Variants in EDNRB observed in about 807,000 individuals in gnomAD.
EDNRB encodes endothelin receptor type B, also known as Hirschsprung disease 2.
Under a neutral mutation model 46.4 loss-of-function variants are expected in EDNRB, and 18 were observed. The ratio of observed to expected loss-of-function variants is 0.39; its 90% CI spans 0.27 to 0.57. The LOEUF (loss-of-function observed/expected upper bound fraction) is 0.57, where lower values mean the gene tolerates loss of function less well. Ranked by LOEUF, EDNRB falls within the 20% of genes least tolerant of loss-of-function variation. The pLI is 0.61. For synonymous variants in EDNRB, 213 were observed against 204.9 expected, an observed-to-expected ratio of 1.04 and a Z score of -0.34; for missense variants, 434 against 537.5, an observed-to-expected ratio of 0.81 and a Z score of 1.90.
chr13:77,903,195 G>T lies in EDNRB; in HGVS notation c.762C>A (p.Ile254=). 3 of 1,612,866 alleles carry T rather than the reference G, an allele frequency of 1.9e-6. No individual in the cohort carries two copies. Among genetic ancestry groups the T allele is most frequent in the Non-Finnish European group, 2.5e-6 (3 of 1,179,252 alleles). The change falls in exon 3 of 7, where the codon ATC becomes ATA. Residue 254 remains isoleucine (I), a synonymous_variant. Transcript: ENST00000646607. The stretch of plus-strand genomic sequence containing the variant: ...TCTTCTGAACGGGATGAAGCAAGCA[G>T]ATTCGCAGATAACTTCCTTTGTAGT... ...TMDYKGSYLR[I]CLLHPVQKTA... is the part of the protein sequence containing the mutation.
chr13:77,922,945 A>C (rs1880127373), upstream of EDNRB, among the ~76,000 whole-genome samples: 1 of 152,200 alleles, frequency 6.6e-6, no homozygotes, highest in Admixed American at 6.5e-5. Context: ...TTATCAACTT[A>C]TCTGATACAT....
At chr13:77,924,360 C>A (rs890346579), upstream of EDNRB, among the ~76,000 whole-genome samples, 2 of 152,116 alleles carry the variant, frequency 1.3e-5, no homozygotes, top group Admixed American at 6.5e-5. Flanking sequence ...CTCACAGAAT[C>A]TCATGGGAAA....
chr13:77,974,760 C>T (rs996966766), intron 1 of EDNRB, among the ~76,000 whole-genome samples: 2 of 152,092 alleles, frequency 1.3e-5, no homozygotes, highest in African/African-American at 4.8e-5. Flanking sequence ...TTACCTTGTG[C>T]CATACCTTTG....
intron 1 of EDNRB, among the ~76,000 whole-genome samples, chr13:77,932,773 G>C (rs1346349848): frequency 6.6e-6 from 1 of 152,204 alleles, no homozygotes; most frequent in Admixed American, 6.5e-5. Flanking sequence ...ATTGGTGTTT[G>C]CCAAAGCCGT....
At chr13:77,939,913 T>C (rs1177787165) in intron 1 of EDNRB, 3 of 152,026 alleles carry the variant, frequency 2.0e-5, no homozygotes, top group Middle Eastern at 3.2e-3. Context: ...GGAAAATCAC[T>C]GGAACCCGGG....
chr13:77,911,698 A>AT (rs1879581239), intron 1 of EDNRB, among the ~76,000 whole-genome samples: 1 of 151,886 alleles, frequency 6.6e-6, no homozygotes, highest in Non-Finnish European at 1.5e-5. Flanking sequence ...CCACCACCAC[A>AT]TTTTGGCCAT....
chr13:77,922,499 T>G (rs1286536437), upstream of EDNRB, among the ~76,000 whole-genome samples: 2 of 152,194 alleles, frequency 1.3e-5, no homozygotes, highest in Non-Finnish European at 2.9e-5. Context: ...CTCTAAATCA[T>G]GAATGCTGAG....
intron 1 of EDNRB, among the ~76,000 whole-genome samples, chr13:77,949,228 C>T (rs576435846): frequency 6.6e-6 from 1 of 152,246 alleles, no homozygotes; most frequent in Admixed American, 6.5e-5. Context: ...GTGACAGATT[C>T]CAGTTGCAGC....
At chr13:77,948,449 C>G (rs1421444766) in intron 1 of EDNRB, among the ~76,000 whole-genome samples, 1 of 152,120 alleles carries the variant, frequency 6.6e-6, no homozygotes, top group Non-Finnish European at 1.5e-5. Context: ...CATTTGATAC[C>G]ATACTGGCAC....
intron 1 of EDNRB, among the ~76,000 whole-genome samples, chr13:77,933,926 A>G (rs1464965128): frequency 6.6e-6 from 1 of 152,184 alleles, no homozygotes; most frequent in African/African-American, 2.4e-5. Context: ...AGAATAAAAG[A>G]AGGAGAAAAA....
upstream of EDNRB, chr13:77,919,777 G>A: frequency 1.5e-6 from 1 of 663,624 alleles, no homozygotes; most frequent in Non-Finnish European, 2.5e-6. Flanking sequence ...TTATTTGTTA[G>A]AGTTCTACGC....
rs147694773 is a variant in EDNRB, at chr13:77,918,544, G to A, written c.30C>T (p.Arg10=). The change falls in exon 1 of 7, where the codon CGC becomes CGT. Residue 10 remains arginine, a synonymous_variant. Transcript: ENST00000646607. This position sits in a 1 kb window ranked among gnomAD's most constrained non-coding sequence, Gnocchi z 4.5. The stretch of plus-strand genomic sequence containing the variant: ...AGGCAAGAACCAGCGCAACCAGGGC[G>A]CGTCCGCACAGACTTGGAGGCGGCT... MQPPPSLCG[R]ALVALVLACG... 3.8e-6 allele frequency: 6 copies of A among 1,596,130 alleles called. No individual in the cohort carries two copies. The highest frequency in any genetic ancestry group is 1.7e-4 in the Middle Eastern group (1 of 5,956).
chr13:77,934,689 G>T (rs1054376368), intron 1 of EDNRB, among the ~76,000 whole-genome samples: 1 of 149,300 alleles, frequency 6.7e-6, no homozygotes, highest in East Asian at 2.0e-4. Context: ...AGGGGGGGGG[G>T]GGCCTGAATA....
At chr13:77,942,192 T>A (rs149460339) in intron 1 of EDNRB, among the ~76,000 whole-genome samples, 1,977 of 152,248 alleles carry the variant, frequency 0.013, 20 homozygotes, top group Non-Finnish European at 0.022. Flanking sequence ...GAAAAAAAAA[T>A]TTAAACATTA....
chr13:77,943,920 A>C (rs1301871476), intron 1 of EDNRB, among the ~76,000 whole-genome samples: 4 of 151,986 alleles, frequency 2.6e-5, no homozygotes, highest in Admixed American at 2.0e-4. Flanking sequence ...CTTTTCTTTC[A>C]TATTGAAATA....
At chr13:77,949,617 C>G (rs1881031956) in intron 1 of EDNRB, among the ~76,000 whole-genome samples, 1 of 152,144 alleles carries the variant, frequency 6.6e-6, no homozygotes, top group Non-Finnish European at 1.5e-5. Flanking sequence ...ACCAAGGTAT[C>G]TAAGTCCGCT....
At chr13:77,919,603 T>C, upstream of EDNRB, 6 of 1,608,022 alleles carry the variant, frequency 3.7e-6, no homozygotes, top group Non-Finnish European at 5.1e-6. Context: ...ATCAGACAAG[T>C]ACTTTTATTC....
chr13:77,958,580 T>G (rs1031634772), intron 1 of EDNRB, among the ~76,000 whole-genome samples: 1 of 152,128 alleles, frequency 6.6e-6, no homozygotes, highest in South Asian at 2.1e-4. Flanking sequence ...TTCACCATGT[T>G]AGCCAGGATG....
At chr13:77,968,533 T>C (rs1881642018) in intron 1 of EDNRB, among the ~76,000 whole-genome samples, 1 of 152,172 alleles carries the variant, frequency 6.6e-6, no homozygotes, top group African/African-American at 2.4e-5. Context: ...AAATACTAAG[T>C]TGAACAAGAC....
Sources: allele counts gnomAD v4.1 joint callset (sites outside exome capture counted in the v4.1 genomes callset), GRCh38; gene constraint gnomAD v4.1.1; non-coding constraint Gnocchi (gnomAD v3.1); transcripts MANE v1.5; gene names NCBI Gene and HGNC (gene_info 2026-07-23, HGNC 2026-07-21).